Variants in DNAJC17 observed in about 807,000 individuals in gnomAD.
The protein encoded by DNAJC17 is DnaJ heat shock protein family (Hsp40) member C17.
Under a neutral mutation model 48.1 loss-of-function variants are expected in DNAJC17, and 35 were observed. The observed-to-expected ratio is 0.73, with a 90% CI of 0.56 to 0.96. The LOEUF (loss-of-function observed/expected upper bound fraction) is 0.96, where lower values mean the gene tolerates loss of function less well. Among genes scored for constraint, DNAJC17 ranks in the 50% least tolerant of loss-of-function variants. The probability of loss-of-function intolerance (pLI) is 0.00; values close to 1 mark genes in which losing one functional copy is unlikely to be tolerated. For missense variants in DNAJC17, 355 were observed against 377.1 expected, an observed-to-expected ratio of 0.94 and a Z score of 0.48; for synonymous variants, 117 against 142.7, an observed-to-expected ratio of 0.82 and a Z score of 1.28.
chr15:40,802,828 C>T (rs976506497), intron 1 of DNAJC17, among the ~76,000 whole-genome samples: 7 of 152,124 alleles, frequency 4.6e-5, no homozygotes, highest in Non-Finnish European at 7.3e-5. Context: ...TCTGGCCAGG[C>T]GTGGTAGCTC....
chr15:40,777,573 G>T (rs866707147), intron 4 of DNAJC17, among the ~76,000 whole-genome samples: 2 of 152,016 alleles, frequency 1.3e-5, no homozygotes, highest in Non-Finnish European at 2.9e-5. Flanking sequence ...ACAAAAATTA[G>T]CCGGGTGTGG....
chr15:40,777,699 C>G (rs1889370719), intron 4 of DNAJC17, among the ~76,000 whole-genome samples: 1 of 146,772 alleles, frequency 6.8e-6, no homozygotes, highest in Admixed American at 6.9e-5. Flanking sequence ...GCCTGGGCAA[C>G]AAGAGCGAAA....
intron 1 of DNAJC17, among the ~76,000 whole-genome samples, chr15:40,784,043 G>A (rs1294511094): frequency 2.0e-5 from 3 of 151,742 alleles, no homozygotes; most frequent in South Asian, 2.1e-4. Flanking sequence ...CCTGGCCAAC[G>A]TGGTAAAACC....
At chr15:40,790,945 G>C (rs1596092145) in intron 1 of DNAJC17, among the ~76,000 whole-genome samples, 1 of 152,262 alleles carries the variant, frequency 6.6e-6, no homozygotes, top group South Asian at 2.1e-4. Context: ...AGAGGACTTA[G>C]AGACCAGCTG....
intron 1 of DNAJC17, among the ~76,000 whole-genome samples, chr15:40,796,159 A>G (rs1889936440): frequency 6.6e-6 from 1 of 152,232 alleles, no homozygotes; most frequent in South Asian, 2.1e-4. Context: ...ATGTTCATCA[A>G]TCACTCAACA....
intron 1 of DNAJC17, among the ~76,000 whole-genome samples, chr15:40,785,262 C>T (rs1029833400): frequency 3.3e-5 from 5 of 152,136 alleles, no homozygotes; most frequent in African/African-American, 1.2e-4. Context: ...GCTTGTATTA[C>T]TTTTCAAGTG....
At chr15:40,787,778 A>C (rs747745542) in intron 1 of DNAJC17, among the ~76,000 whole-genome samples, 1 of 152,168 alleles carries the variant, frequency 6.6e-6, no homozygotes, top group Non-Finnish European at 1.5e-5. Context: ...ACCTGCCTCC[A>C]GTTTCACCTC....
At chr15:40,780,666 T>C (rs1354761058) in intron 1 of DNAJC17, 7 of 255,626 alleles carry the variant, frequency 2.7e-5, no homozygotes, top group Non-Finnish European at 5.5e-5. Flanking sequence ...ATACAAAAAT[T>C]AGCTAGGCAT....
intron 7 of DNAJC17, 125 bp from the exon 8 acceptor site, chr15:40,775,233 G>T (rs753152433): frequency 1.5e-4 from 158 of 1,063,604 alleles, no homozygotes; most frequent in Middle Eastern, 2.8e-4. Context: ...GCAATCTGGG[G>T]AGTGCCACCA....
At chr15:40,800,061 T>A (rs752859809) in intron 1 of DNAJC17, among the ~76,000 whole-genome samples, 1 of 151,956 alleles carries the variant, frequency 6.6e-6, no homozygotes, top group Non-Finnish European at 1.5e-5. Context: ...TGAAGTGGTA[T>A]CACAACATGT....
In DNAJC17 at chr15:40,768,000, G is replaced by C. The variant is rs747324198; in HGVS notation, c.855C>G (p.Ala285=). The change falls in exon 11 of 11, where the codon GCC becomes GCG. Residue 285 remains alanine, a synonymous_variant. Coordinates refer to ENST00000220496, the MANE Select transcript of DNAJC17 (RefSeq NM_018163.3). ...TCCGTGCGATCAGCTGTTGCCGCTC[G>C]GCCGCCTGGCGCATGCGCATCATGA... ...SLVMMRMRQA[A]ERQQLIARMQ... The C allele has an allele frequency of 6.9e-6, 11 of 1,605,638 alleles. No homozygotes were observed. In the East Asian group the frequency reaches 1.8e-4, roughly 26 times the overall value.
intron 1 of DNAJC17, among the ~76,000 whole-genome samples, chr15:40,782,434 G>C (rs1039777242): frequency 1.3e-5 from 2 of 151,808 alleles, no homozygotes; most frequent in Non-Finnish European, 2.9e-5. Flanking sequence ...TACATAGAAA[G>C]AAAGAAACCC....
At chr15:40,779,807 T>C in intron 2 of DNAJC17, 121 bp downstream of exon 2, 2 of 1,247,620 alleles carry the variant, frequency 1.6e-6, no homozygotes, top group Non-Finnish European at 2.3e-6. Context: ...TGGGACCCAT[T>C]GCCTGGAGCC....
At chr15:40,773,859 C>A (rs745488263) in intron 9 of DNAJC17, 22 bp from the exon 10 acceptor site, 2 of 1,601,644 alleles carry the variant, frequency 1.2e-6, no homozygotes, top group East Asian at 4.5e-5. Flanking sequence ...AGCATCTAGT[C>A]CTGTCCCATC....
intron 4 of DNAJC17, among the ~76,000 whole-genome samples, chr15:40,778,551 AC>A (rs113154356): frequency 0.046 from 6,978 of 151,126 alleles, 531 homozygotes; most frequent in African/African-American, 0.16. Context: ...GCGCCCGGCC[AC>A]AAGCACCAAT....
intron 1 of DNAJC17, among the ~76,000 whole-genome samples, chr15:40,800,955 C>CAA (rs755967211): frequency 2.8e-5 from 3 of 107,838 alleles, no homozygotes; most frequent in Admixed American, 1.0e-4. Context: ...GACTCCGTCT[C>CAA]AAAAAAAAAA....
chr15:40,776,058 AGT>A (rs1889308951), intron 6 of DNAJC17, 136 bp downstream of exon 6: 1 of 719,512 alleles, frequency 1.4e-6, no homozygotes, highest in South Asian at 1.8e-5. Context: ...CATGTGTCAG[AGT>A]AAGGTACCAT....
intron 1 of DNAJC17, among the ~76,000 whole-genome samples, chr15:40,793,645 C>T (rs929336704): frequency 6.6e-6 from 1 of 151,988 alleles, no homozygotes; most frequent in Non-Finnish European, 1.5e-5. Context: ...GCCTTGGACA[C>T]AAGCTGGGGG....
intron 4 of DNAJC17, among the ~76,000 whole-genome samples, chr15:40,778,299 G>A (rs998574271): frequency 2.6e-5 from 4 of 151,972 alleles, no homozygotes; most frequent in African/African-American, 9.7e-5. Flanking sequence ...TGTCACCCAG[G>A]CTAGAGCACA....
Sources: gnomAD v4.1 joint callset for allele counts (sites outside exome capture counted in the v4.1 genomes callset) on GRCh38, gnomAD v4.1.1 for gene constraint, MANE v1.5 for transcripts, NCBI Gene and HGNC (gene_info 2026-07-23, HGNC 2026-07-21) for gene names.